ZNF804A: variants seen among roughly 807,000 people sequenced by gnomAD.
ZNF804A encodes zinc finger protein 804A.
In ZNF804A, 2 loss-of-function variants were observed where a neutral mutation model predicts 16.5. That is an observed-to-expected ratio of 0.12 (90% CI 0.05 to 0.38). ZNF804A has a LOEUF of 0.38. Ranked by LOEUF, ZNF804A falls within the 10% of genes least tolerant of loss-of-function variation. The pLI is 0.99. For synonymous variants in ZNF804A, 534 were observed against 489.6 expected (o/e 1.09, Z -1.20); for missense variants, 1,473 against 1,390.7 (o/e 1.06, Z -0.94).
intron 1 of ZNF804A, among the ~76,000 whole-genome samples, chr2:184,865,348 C>T (rs747519093): frequency 1.3e-5 from 2 of 151,794 alleles, no homozygotes; most frequent in Non-Finnish European, 2.9e-5. Context: ...ACAGTGTTTC[C>T]GTGTGTAAAC....
chr2:184,783,215 C>T (rs1481106126), intron 1 of ZNF804A, among the ~76,000 whole-genome samples: 8 of 125,334 alleles, frequency 6.4e-5, no homozygotes, highest in Non-Finnish European at 4.8e-5. Context: ...GGATAGACTA[C>T]CACTGTGAGT....
chr2:184,613,691 C>T (rs1481204357), intron 1 of ZNF804A, among the ~76,000 whole-genome samples: 1 of 151,964 alleles, frequency 6.6e-6, no homozygotes, highest in Non-Finnish European at 1.5e-5. Context: ...ATTGGTGCTA[C>T]AAAGAGAATA....
At chr2:184,796,512 T>G (rs1694630979) in intron 1 of ZNF804A, among the ~76,000 whole-genome samples, 1 of 152,196 alleles carries the variant, frequency 6.6e-6, no homozygotes, top group Admixed American at 6.5e-5. Context: ...TTTATGTGCA[T>G]AAAAGTGTTC....
chr2:184,877,902 A>C (rs758966961), intron 2 of ZNF804A, among the ~76,000 whole-genome samples: 5 of 152,134 alleles, frequency 3.3e-5, no homozygotes, highest in Non-Finnish European at 5.9e-5. Context: ...GAGAGAAACA[A>C]AGAGAATGGA....
At chr2:184,931,031 C>A (rs532372146) in intron 2 of ZNF804A, among the ~76,000 whole-genome samples, 8 of 152,304 alleles carry the variant, frequency 5.3e-5, no homozygotes, top group South Asian at 4.1e-4. Context: ...GGCAAGAGAG[C>A]ATGTGCAGGG....
chr2:184,656,870 A>G (rs1692086079), intron 1 of ZNF804A, among the ~76,000 whole-genome samples: 1 of 151,914 alleles, frequency 6.6e-6, no homozygotes, highest in African/African-American at 2.4e-5. Context: ...AGTTTATTTG[A>G]GGTCTTGTCC....
At chr2:184,748,232 A>G (rs1693823129) in intron 1 of ZNF804A, among the ~76,000 whole-genome samples, 1 of 150,710 alleles carries the variant, frequency 6.6e-6, no homozygotes, top group Admixed American at 6.6e-5. Flanking sequence ...ACTAATTTAC[A>G]TTCCCACCAA....
At position 184,913,577 on chromosome 2, in the gene ZNF804A, G is replaced by A. The variant is rs543435131; in HGVS notation, c.256-20026G>A. On this transcript the variant is annotated intron_variant, in intron 2 of 3. Transcript: ENST00000302277. ...GTTCCTTTTCCTTTTTCCAGGTAGG[G>A]GATTGGGACGAGGAGAAAATAAAGT... is the stretch of plus-strand genomic sequence containing the variant. 3.9e-5 allele frequency among the ~76,000 whole-genome samples: 6 copies of A among 152,156 alleles called. No individual in the cohort carries two copies. The South Asian group carries it at 1.2e-3, about 32-fold the overall frequency.
At chr2:184,757,611 G>T (rs1238662484) in intron 1 of ZNF804A, among the ~76,000 whole-genome samples, 1 of 151,878 alleles carries the variant, frequency 6.6e-6, no homozygotes, top group Non-Finnish European at 1.5e-5. Flanking sequence ...ATAACACAAT[G>T]CAATCAAATG....
chr2:184,888,968 A>AC (rs1478600532), intron 2 of ZNF804A, among the ~76,000 whole-genome samples: 1 of 152,042 alleles, frequency 6.6e-6, no homozygotes, highest in Non-Finnish European at 1.5e-5. Flanking sequence ...ATCTGAAAAA[A>AC]AAACGTTTAT....
chr2:184,747,628 C>A (rs1322051617), intron 1 of ZNF804A, among the ~76,000 whole-genome samples: 1 of 151,048 alleles, frequency 6.6e-6, no homozygotes. Context: ...ATTTTCATAT[C>A]AGGTAATGTT....
intron 1 of ZNF804A, among the ~76,000 whole-genome samples, chr2:184,809,701 A>G (rs1379754649): frequency 6.6e-6 from 1 of 151,896 alleles, no homozygotes; most frequent in Admixed American, 6.6e-5. Flanking sequence ...GGTGGGGGTC[A>G]AAAATGCTAC....
intron 1 of ZNF804A, among the ~76,000 whole-genome samples, chr2:184,635,312 T>C (rs1430886478): frequency 6.6e-6 from 1 of 152,166 alleles, no homozygotes; most frequent in African/African-American, 2.4e-5. Context: ...TCAAACCAGA[T>C]GCTCCACTTC....
intron 1 of ZNF804A, among the ~76,000 whole-genome samples, chr2:184,658,223 C>A (rs2070016383): frequency 6.6e-6 from 1 of 152,186 alleles, no homozygotes; most frequent in Admixed American, 6.5e-5. Flanking sequence ...GTGGCTCACG[C>A]CTGTAATCCC....
chr2:184,794,065 C>G (rs1479315216), intron 1 of ZNF804A, among the ~76,000 whole-genome samples: 1 of 151,964 alleles, frequency 6.6e-6, no homozygotes, highest in Non-Finnish European at 1.5e-5. Flanking sequence ...ATAATTACTT[C>G]TTTTCCTCTG....
At chr2:184,741,650 A>G (rs1174552614) in intron 1 of ZNF804A, among the ~76,000 whole-genome samples, 1 of 152,184 alleles carries the variant, frequency 6.6e-6, no homozygotes, top group African/African-American at 2.4e-5. Context: ...CTCTTTGGGC[A>G]GGAATAATTA....
intron 1 of ZNF804A, among the ~76,000 whole-genome samples, chr2:184,765,042 G>C (rs1345095030): frequency 1.3e-5 from 2 of 152,104 alleles, no homozygotes; most frequent in African/African-American, 4.8e-5. Flanking sequence ...AATTCTTACA[G>C]GTACACAAGT....
At chr2:184,734,468 G>C (rs1160848380) in intron 1 of ZNF804A, among the ~76,000 whole-genome samples, 1 of 152,002 alleles carries the variant, frequency 6.6e-6, no homozygotes, top group Admixed American at 6.6e-5. Context: ...AATATTTTGG[G>C]ATTTTCCAGC....
chr2:184,852,464 C>CTTTTTTTTTT (rs550514423), intron 1 of ZNF804A, among the ~76,000 whole-genome samples: 1 of 110,774 alleles, frequency 9.0e-6, no homozygotes, highest in Non-Finnish European at 1.9e-5. Context: ...TTTGACTATG[C>CTTTTTTTTTT]TTTTTTTTTT....
Sources: allele counts gnomAD v4.1 joint callset (sites outside exome capture counted in the v4.1 genomes callset), GRCh38; gene constraint gnomAD v4.1.1; transcripts MANE v1.5; gene names NCBI Gene and HGNC (gene_info 2026-07-23, HGNC 2026-07-21).